SLC9C2: variants seen among roughly 807,000 people sequenced by gnomAD.
SLC9C2 encodes the protein sodium/hydrogen exchanger 11.
In SLC9C2, 75 loss-of-function variants were observed where a neutral mutation model predicts 140.2. The ratio of observed to expected loss-of-function variants is 0.53; its 90% CI spans 0.44 to 0.65. SLC9C2 has a LOEUF of 0.65. SLC9C2 is among the 30% of genes least tolerant of loss of function. SLC9C2 has a pLI of 0.00. For missense variants in SLC9C2, 1,074 were observed against 1,331.8 expected (o/e 0.81, Z 3.01); for synonymous variants, 375 against 420.9 (o/e 0.89, Z 1.34).
intron 23 of SLC9C2, among the ~76,000 whole-genome samples, chr1:173,516,798 T>C (rs892890980): frequency 1.3e-5 from 2 of 152,246 alleles, no homozygotes; most frequent in Admixed American, 1.3e-4. Flanking sequence ...GTCTTTATAA[T>C]AGAATGATTT....
At chr1:173,515,636 A>T (rs1164809788) in intron 23 of SLC9C2, among the ~76,000 whole-genome samples, 63 of 152,108 alleles carry the variant, frequency 4.1e-4, no homozygotes, top group Admixed American at 4.1e-3. Context: ...GTTTGTTATT[A>T]CCCACCTTCC....
At chr1:173,585,840 T>C (rs969035076) in intron 5 of SLC9C2, among the ~76,000 whole-genome samples, 1 of 151,976 alleles carries the variant, frequency 6.6e-6, no homozygotes, top group South Asian at 2.1e-4. Flanking sequence ...TAGCAGCACA[T>C]GGCTGTAATC....
intron 22 of SLC9C2, among the ~76,000 whole-genome samples, 161 bp downstream of exon 22, chr1:173,521,140 G>A (rs1024857132): frequency 6.6e-6 from 1 of 152,040 alleles, no homozygotes; most frequent in Non-Finnish European, 1.5e-5. Context: ...CATTTCAGGT[G>A]TTGAATATTC....
At position 173,505,277 on chromosome 1, in the gene SLC9C2, T is replaced by G. The variant is rs1659555236; in HGVS notation, c.3280A>C (p.Thr1094Pro). ...ACATTGGTGTTACTATTTCTTTGGG[T>G]AAGCTCAGATGCTTGGATTATCAGC... ...KLLIIQASEL[T>P]QRNSNTNVMA... Residue 1094 changes from threonine (T) to proline (P), a missense_variant, in exon 26 of 28, where the codon ACC becomes CCC. Physicochemically the swap from Thr to Pro is conservative, Grantham distance 38. Transcript: ENST00000367714. 1 of 1,614,038 alleles carries G rather than the reference T, an allele frequency of 6.2e-7. No homozygotes were observed. The highest frequency in any genetic ancestry group is 1.7e-5 in the Admixed American group (1 of 59,994).
chr1:173,599,630 G>T (rs1479984224), intron 3 of SLC9C2, among the ~76,000 whole-genome samples: 2 of 150,812 alleles, frequency 1.3e-5, no homozygotes, highest in Non-Finnish European at 1.5e-5. Context: ...TTTTTTGACA[G>T]TCTTGCTCTG....
chr1:173,544,508 G>A (rs977588486), intron 13 of SLC9C2, among the ~76,000 whole-genome samples: 11 of 152,224 alleles, frequency 7.2e-5, no homozygotes, highest in Middle Eastern at 3.4e-3. Flanking sequence ...CCATTACTAG[G>A]TATATACCCA....
chr1:173,534,722 T>C, intron 15 of SLC9C2, 40 bp from the exon 16 acceptor site: 1 of 1,355,796 alleles, frequency 7.4e-7, no homozygotes, highest in Non-Finnish European at 9.8e-7. Flanking sequence ...CACTTAAAAG[T>C]ATAATTAGCA....
intron 5 of SLC9C2, among the ~76,000 whole-genome samples, chr1:173,587,099 T>C (rs1276786376): frequency 6.6e-6 from 1 of 152,112 alleles, no homozygotes; most frequent in Non-Finnish European, 1.5e-5. Flanking sequence ...CCAAATAATA[T>C]GGGAAATAGT....
intron 9 of SLC9C2, among the ~76,000 whole-genome samples, chr1:173,560,804 A>T (rs1296388026): frequency 1.3e-5 from 2 of 151,702 alleles, no homozygotes; most frequent in Admixed American, 1.3e-4. Flanking sequence ...TTTAATTTTT[A>T]TTGTTTTTTT....
At position 173,573,336 on chromosome 1, in the gene SLC9C2, T is replaced by A; in HGVS notation, c.903-11A>T. 6.9e-7 allele frequency: 1 copy of A among 1,456,002 alleles called. No homozygotes were observed. The highest frequency in any genetic ancestry group is 9.4e-7 in the Non-Finnish European group (1 of 1,068,358). 90.2% of individuals were successfully genotyped at this position (1,456,002 alleles called of 1,614,324 possible). A position where few individuals can be genotyped will look rare whatever the true frequency, so the allele number is the denominator to read the frequency against. ...AAAATTCTTAAGAACCTAGGATGAA[T>A]GAAATAGAAATGACATTTTAAGCAA... On this transcript the variant is annotated splice_polypyrimidine_tract_variant and intron_variant, in intron 8 of 27. Coordinates refer to ENST00000367714, the MANE Select transcript of SLC9C2 (RefSeq NM_178527.4).
intron 14 of SLC9C2, among the ~76,000 whole-genome samples, chr1:173,536,287 TC>T (rs1282058618): frequency 1.3e-5 from 2 of 152,238 alleles, no homozygotes; most frequent in East Asian, 3.8e-4. Context: ...CAAACTTTAT[TC>T]CAGGGACTGG....
chr1:173,517,480 G>T, intron 23 of SLC9C2, 57 bp downstream of exon 23: 1 of 1,462,262 alleles, frequency 6.8e-7, no homozygotes, highest in Admixed American at 2.4e-5. Context: ...AAAGATGCTG[G>T]TATTTTTTAT....
intron 3 of SLC9C2, among the ~76,000 whole-genome samples, chr1:173,598,760 TAATA>T (rs1208262277): frequency 6.6e-6 from 1 of 152,170 alleles, no homozygotes; most frequent in Non-Finnish European, 1.5e-5. Context: ...GCTAATAAAT[TAATA>T]AATACAAAGC....
At chr1:173,587,990 A>C (rs966536454) in intron 4 of SLC9C2, among the ~76,000 whole-genome samples, 160 bp from the exon 5 acceptor site, 21 of 152,208 alleles carry the variant, frequency 1.4e-4, no homozygotes, top group South Asian at 2.1e-4. Context: ...TGCCACAAAG[A>C]AACCGCCCCT....
rs113522120 is a variant in SLC9C2 at position 173,580,608 on chromosome 1, C to T, written c.802+1239G>A. Among the ~76,000 whole-genome samples the T allele has an allele frequency of 5.0e-3, 754 of 152,304 alleles. 7 individuals carry two copies. The highest frequency in any genetic ancestry group is 0.016 in the African/African-American group (673 of 41,570). On this transcript the variant is annotated intron_variant, in intron 7 of 27. Coordinates refer to ENST00000367714, the MANE Select transcript of SLC9C2 (RefSeq NM_178527.4). Reference sequence around the variant, plus strand: ...CCTCAAGTGATCCGCCTGCCTCAGCCTCCCAAAGTGCTGGGATTACAGGCG... The same window carrying T: ...CCTCAAGTGATCCGCCTGCCTCAGCTTCCCAAAGTGCTGGGATTACAGGCG...
chr1:173,546,424 T>C (rs1457644807), intron 13 of SLC9C2, among the ~76,000 whole-genome samples: 1 of 151,918 alleles, frequency 6.6e-6, no homozygotes, highest in African/African-American at 2.4e-5. Context: ...GTACTAAAAA[T>C]ACAAAAATTA....
chr1:173,601,739 C>T lies in SLC9C2; in HGVS notation c.38G>A (p.Arg13Lys). 6.2e-7 allele frequency: 1 copy of T among 1,614,098 alleles called. No homozygotes were observed. Among genetic ancestry groups the T allele is most frequent in the Middle Eastern group, 1.6e-4 (1 of 6,062 alleles). ...SYFWAQNESN[R>K]PDLLCGQPAD... is the part of the protein sequence containing the mutation. Reference sequence around the variant, plus strand: ...TGGCTGCCCGCAGAGTAAATCAGGTCTGTTACTTTCATTTTGTGCCCAGAA... The same window carrying T: ...TGGCTGCCCGCAGAGTAAATCAGGTTTGTTACTTTCATTTTGTGCCCAGAA... Residue 13 changes from arginine to lysine, a missense_variant, in exon 2 of 28, where the codon AGA (arginine) becomes AAA (lysine). Physicochemically the swap from Arg to Lys is conservative, Grantham distance 26 (BLOSUM62 2). Transcript: ENST00000367714.
Position 173,533,568 on chromosome 1 carries a change from A to G in SLC9C2, c.2163+41T>C, listed in dbSNP as rs776617453. On this transcript the variant is annotated intron_variant, in intron 17 of 27. Transcript: ENST00000367714. ...GCTGGGATTATAGGTGTGAGCTACCACTCCTGGCAAATCTTAATATTTTAA... is the reference window on the plus strand; with the variant it reads ...GCTGGGATTATAGGTGTGAGCTACCGCTCCTGGCAAATCTTAATATTTTAA... 2.0e-6 allele frequency: 3 copies of G among 1,469,626 alleles called. No homozygotes were observed. In the Admixed American group the frequency reaches 6.0e-5, roughly 29 times the overall value. The allele number at this position is 1,469,626 out of a possible 1,614,324, so 91.0% of individuals were successfully genotyped here. A position where few individuals can be genotyped will look rare whatever the true frequency, so the allele number is the denominator to read the frequency against.
intron 10 of SLC9C2, among the ~76,000 whole-genome samples, chr1:173,555,983 T>C (rs1204299255): frequency 6.6e-6 from 1 of 152,204 alleles, no homozygotes; most frequent in Non-Finnish European, 1.5e-5. Flanking sequence ...ACTGTACTCC[T>C]TGGGACTTCG....
Sources: gnomAD v4.1 joint callset for allele counts (sites outside exome capture counted in the v4.1 genomes callset) on GRCh38, gnomAD v4.1.1 for gene constraint, MANE v1.5 for transcripts, NCBI Gene and HGNC (gene_info 2026-07-23, HGNC 2026-07-21) for gene names.